The following SPRR4 variants were observed in gnomAD, a reference collection of about 807,000 sequenced individuals.
SPRR4 encodes small proline-rich protein 4.
For missense variants in SPRR4, 106 were observed against 91.6 expected (o/e 1.16, Z -0.64); for synonymous variants, 30 against 34.3 (o/e 0.87, Z 0.44).
At chr1:152,969,817 T>C (rs1570941331), upstream of SPRR4, among the ~76,000 whole-genome samples, 1 of 152,246 alleles carries the variant, frequency 6.6e-6, no homozygotes, top group Admixed American at 6.5e-5. Context: ...GAATGTCCTG[T>C]ATTTTATGTG....
At chr1:152,969,929 G>C (rs919521589), upstream of SPRR4, among the ~76,000 whole-genome samples, 3 of 152,148 alleles carry the variant, frequency 2.0e-5, no homozygotes, top group Non-Finnish European at 1.5e-5. Flanking sequence ...CAGCACCGCC[G>C]TGTGCTGGGG....
chr1:152,971,649 A>C (rs1003062278), intron 1 of SPRR4, among the ~76,000 whole-genome samples: 23 of 151,808 alleles, frequency 1.5e-4, no homozygotes, highest in Non-Finnish European at 1.9e-4. Context: ...TGTAAGACAG[A>C]GACTGTTTTT....
At chr1:152,970,156 A>T (rs1651787724), upstream of SPRR4, among the ~76,000 whole-genome samples, 1 of 152,240 alleles carries the variant, frequency 6.6e-6, no homozygotes, top group Non-Finnish European at 1.5e-5. Flanking sequence ...GCAAAATGGT[A>T]ACAACGACAC....
At chr1:152,969,847 C>T (rs1465965044), upstream of SPRR4, among the ~76,000 whole-genome samples, 1 of 152,172 alleles carries the variant, frequency 6.6e-6, no homozygotes, top group African/African-American at 2.4e-5. Flanking sequence ...CCACAGGGGC[C>T]AATTCTATCC....
At chr1:152,969,736 A>G (rs1437436330), upstream of SPRR4, among the ~76,000 whole-genome samples, 1 of 152,220 alleles carries the variant, frequency 6.6e-6, no homozygotes, top group Non-Finnish European at 1.5e-5. Context: ...ATTTTTGAGT[A>G]TGTTTCCTGC....
intron 1 of SPRR4, 93 bp from the exon 2 acceptor site, chr1:152,971,778 T>G (rs1651854838): frequency 6.7e-7 from 1 of 1,490,846 alleles, no homozygotes; most frequent in African/African-American, 1.4e-5. Flanking sequence ...TTGTAAAATG[T>G]CTGGGCTACT....
At chr1:152,971,318 T>A (rs1651836787) in intron 1 of SPRR4, among the ~76,000 whole-genome samples, 1 of 152,130 alleles carries the variant, frequency 6.6e-6, no homozygotes, top group Non-Finnish European at 1.5e-5. Flanking sequence ...GCCCATGAAG[T>A]TAATGGCAGG....
chr1:152,969,068 G>A (rs1046558391), upstream of SPRR4, among the ~76,000 whole-genome samples: 2 of 152,202 alleles, frequency 1.3e-5, no homozygotes, highest in Non-Finnish European at 2.9e-5. Flanking sequence ...GTGTTGCTAG[G>A]CTTGGGAAGA....
At position 152,971,938 on chromosome 1, in the gene SPRR4, G is replaced by C. The variant is rs1323892479; in HGVS notation, c.48G>C (p.Gln16His). 1 of 1,614,002 alleles carries C rather than the reference G, an allele frequency of 6.2e-7. No homozygotes were observed. Among genetic ancestry groups the C allele is most frequent in the Non-Finnish European group, 8.5e-7 (1 of 1,179,994 alleles). ...GGCAGCAGCAGCAGTGCCCACCCCA[G>C]AGGGCCCAGCAGCAGCAAGTGAAGC... The part of the protein sequence containing the change: ...QQRQQQQCPP[Q>H]RAQQQQVKQP... The change falls in exon 2 of 2, where the codon CAG becomes CAC. Residue 16 changes from glutamine to histidine, a missense_variant. By Grantham distance (24) the Gln-to-His change is conservative. Transcript: ENST00000328051.
At position 152,972,156 on chromosome 1, in the gene SPRR4, CA is replaced by C. The variant is rs774057834; in HGVS notation, c.*27del. 7.2e-5 allele frequency: 116 copies of C among 1,613,444 alleles called. 1 individual carries two copies. In the Middle Eastern group the frequency reaches 1.2e-3, roughly 16 times the overall value. On this transcript the variant is annotated 3_prime_UTR_variant, in exon 2 of 2. Transcript: ENST00000328051. ...GGATGGACTGGATATTACCATCATC[CA>C]CCATCCTGGCTACCAGATGGAACCT... is the stretch of plus-strand genomic sequence containing the variant.
Position 152,971,861 on chromosome 1 carries a change from T to A in SPRR4, c.-20-10T>A, listed in dbSNP as rs765903912. Reference sequence around the variant, plus strand: ...CCCTTCTCATGGTGTCCCTGCCCGGTTTCCTTTAGGCTCACCTGTTCCTAG... The same window carrying A: ...CCCTTCTCATGGTGTCCCTGCCCGGATTCCTTTAGGCTCACCTGTTCCTAG... On this transcript the variant is annotated splice_polypyrimidine_tract_variant and intron_variant, in intron 1 of 1. Coordinates refer to ENST00000328051, the MANE Select transcript of SPRR4 (RefSeq NM_173080.3). 1.2e-5 allele frequency: 20 copies of A among 1,611,802 alleles called. No individual in the cohort carries two copies. Among genetic ancestry groups the A allele is most frequent in the Non-Finnish European group, 1.7e-5 (20 of 1,178,480 alleles).
intron 1 of SPRR4, among the ~76,000 whole-genome samples, chr1:152,971,154 G>C (rs1011861228): frequency 1.3e-5 from 2 of 151,988 alleles, no homozygotes; most frequent in African/African-American, 4.8e-5. Flanking sequence ...ACTTCCTGAG[G>C]CCTGCACTTC....
Position 152,972,301 on chromosome 1 carries a change from A to C in SPRR4, c.*171A>C. Reference sequence around the variant, plus strand: ...TTCTTCCCATCGTACCCTTCCCCACACATACCACCTTGGCTTCTTCTATAT... The same window carrying C: ...TTCTTCCCATCGTACCCTTCCCCACCCATACCACCTTGGCTTCTTCTATAT... On this transcript the variant is annotated 3_prime_UTR_variant, in exon 2 of 2. Coordinates refer to ENST00000328051, the MANE Select transcript of SPRR4 (RefSeq NM_173080.3). 3 of 1,101,964 alleles carry C rather than the reference A, an allele frequency of 2.7e-6. No individual in the cohort carries two copies. The highest frequency in any genetic ancestry group is 3.9e-6 in the Non-Finnish European group (3 of 776,812). 68.3% of individuals were successfully genotyped at this position (1,101,964 alleles called of 1,614,324 possible).
chr1:152,968,910 G>T (rs910368378), upstream of SPRR4, among the ~76,000 whole-genome samples: 8 of 152,206 alleles, frequency 5.3e-5, no homozygotes, highest in Non-Finnish European at 1.0e-4. Context: ...AATCTGTCTT[G>T]CTGCGTAGTT....
upstream of SPRR4, among the ~76,000 whole-genome samples, chr1:152,970,351 A>G (rs1178686046): frequency 6.6e-6 from 1 of 152,174 alleles, no homozygotes; most frequent in Non-Finnish European, 1.5e-5. Context: ...AATATTTCTT[A>G]TAACTGTCTG....
chr1:152,971,226 T>C (rs796072659), intron 1 of SPRR4, among the ~76,000 whole-genome samples: 8 of 152,200 alleles, frequency 5.3e-5, no homozygotes, highest in African/African-American at 1.9e-4. Flanking sequence ...CCAGAGACCC[T>C]CATCAGAGCT....
At chr1:152,968,750 G>A (rs1176608819), upstream of SPRR4, among the ~76,000 whole-genome samples, 3 of 152,180 alleles carry the variant, frequency 2.0e-5, no homozygotes, top group Non-Finnish European at 4.4e-5. Flanking sequence ...GATGAAATTG[G>A]GAAAAATAGG....
intron 1 of SPRR4, among the ~76,000 whole-genome samples, chr1:152,971,109 C>T (rs1651830683): frequency 6.6e-6 from 1 of 152,144 alleles, no homozygotes; most frequent in African/African-American, 2.4e-5. Flanking sequence ...TCCTATGCAG[C>T]TCTCATGCTT....
At position 152,972,025 on chromosome 1, in the gene SPRR4, A is replaced by T. The variant is rs570657541; in HGVS notation, c.135A>T (p.Pro45=). Residue 45 remains proline, a synonymous_variant, in exon 2 of 2, where the codon CCA becomes CCT. Coordinates refer to ENST00000328051, the MANE Select transcript of SPRR4 (RefSeq NM_173080.3). The part of the protein sequence containing the change: ...QETCAPKTKD[P]CAPQVKKQCP... ...CATGTGCACCCAAAACCAAGGATCC[A>T]TGTGCTCCCCAGGTCAAGAAGCAAT... 9.3e-6 allele frequency: 15 copies of T among 1,614,036 alleles called. No individual in the cohort carries two copies. In the East Asian group the frequency reaches 2.9e-4, roughly 31 times the overall value.
Sources: allele counts gnomAD v4.1 joint callset (sites outside exome capture counted in the v4.1 genomes callset), GRCh38; gene constraint gnomAD v4.1.1; transcripts MANE v1.5; gene names NCBI Gene and HGNC (gene_info 2026-07-23, HGNC 2026-07-21).